The following MPPED1 variants were observed in gnomAD, a reference collection of about 807,000 sequenced individuals.
MPPED1 encodes the protein metallophosphoesterase domain-containing protein 1.
MPPED1 carries 16 observed loss-of-function variants against 36.2 expected under a neutral mutation model. The ratio of observed to expected loss-of-function variants is 0.44; its 90% CI spans 0.30 to 0.67. MPPED1 has a LOEUF of 0.67. Among genes scored for constraint, MPPED1 ranks in the 30% least tolerant of loss-of-function variants. The pLI is 0.10. For missense variants in MPPED1, 307 were observed against 453.4 expected (o/e 0.68, Z 2.93); for synonymous variants, 199 against 191.3 (o/e 1.04, Z -0.33).
chr22:43,439,328 G>A (rs900130598), intron 3 of MPPED1, among the ~76,000 whole-genome samples: 10 of 152,250 alleles, frequency 6.6e-5, no homozygotes, highest in African/African-American at 1.9e-4. Context: ...TGTAAATGTC[G>A]AGTAAGCAGC....
intron 3 of MPPED1, among the ~76,000 whole-genome samples, chr22:43,449,908 C>G (rs1930502961): frequency 6.6e-6 from 1 of 152,210 alleles, no homozygotes; most frequent in Non-Finnish European, 1.5e-5. Flanking sequence ...TATTTCCATC[C>G]CTCCTGAGCG....
intron 2 of MPPED1, among the ~76,000 whole-genome samples, chr22:43,429,943 G>A (rs1397383975): frequency 1.3e-5 from 2 of 152,330 alleles, no homozygotes; most frequent in East Asian, 1.9e-4. Flanking sequence ...TGGGGATGCA[G>A]GAGGGTACTG....
chr22:43,460,191 GT>G (rs1930898472), intron 3 of MPPED1, among the ~76,000 whole-genome samples: 1 of 150,612 alleles, frequency 6.6e-6, no homozygotes, highest in South Asian at 2.1e-4. Flanking sequence ...TGGCGACAGA[GT>G]GAGACTCCAT....
At chr22:43,424,341 C>T (rs773568126) in intron 1 of MPPED1, among the ~76,000 whole-genome samples, 3 of 152,128 alleles carry the variant, frequency 2.0e-5, no homozygotes, top group Non-Finnish European at 4.4e-5. Flanking sequence ...CAGGGCACCA[C>T]TAAAAGATAT....
chr22:43,502,581 C>T lies in MPPED1; in HGVS notation c.749-63C>T, dbSNP rs377208877. 4.0e-5 allele frequency: 53 copies of T among 1,310,650 alleles called. 1 individual carries two copies. The highest frequency in any genetic ancestry group is 2.0e-4 in the Middle Eastern group (1 of 5,110). The allele number at this position is 1,310,650 out of a possible 1,614,324, so 81.2% of individuals were successfully genotyped here. On this transcript the variant is annotated intron_variant, in intron 5 of 6. Transcript: ENST00000443721. The surrounding 1 kb of genome is among the most constrained non-coding windows in gnomAD (Gnocchi z 5.5). The stretch of plus-strand genomic sequence containing the variant: ...CCAGGCTGCAGAAGCTGCTGCTAGG[C>T]GTGGGGCAGTGAGGGGCTGGGACAG...
chr22:43,459,486 G>A (rs752579417), intron 3 of MPPED1, among the ~76,000 whole-genome samples: 1 of 152,190 alleles, frequency 6.6e-6, no homozygotes, highest in Admixed American at 6.5e-5. Flanking sequence ...TGTCCCACAG[G>A]TCTCTGAGGC....
At chr22:43,412,195 G>A in intron 1 of MPPED1, 37 bp downstream of exon 1, 1 of 970,018 alleles carries the variant, frequency 1.0e-6, no homozygotes, top group Non-Finnish European at 1.2e-6. Flanking sequence ...GCGGGCGCGG[G>A]CGGGAGGCCG....
At chr22:43,418,155 G>T (rs1929140419) in intron 1 of MPPED1, 1 of 456,206 alleles carries the variant, frequency 2.2e-6, no homozygotes, top group Admixed American at 2.3e-5. Context: ...GCCTGGCACT[G>T]GCTTTGATCA....
Position 43,467,737 on chromosome 22 carries a change from G to A in MPPED1, c.407-6999G>A, listed in dbSNP as rs557475989. Reference sequence around the variant, plus strand: ...TCCATCCCCCTCTGCTGTGTTCTGCGAGATGGGAATGGGCGGAAGAAGCCA... The same window carrying A: ...TCCATCCCCCTCTGCTGTGTTCTGCAAGATGGGAATGGGCGGAAGAAGCCA... On this transcript the variant is annotated intron_variant, in intron 3 of 6. Coordinates refer to ENST00000443721, the MANE Select transcript of MPPED1 (RefSeq NM_001044370.2). Among the ~76,000 whole-genome samples, 117 of 152,168 alleles carry A rather than the reference G, an allele frequency of 7.7e-4. 3 individuals carry two copies. The South Asian group carries it at 0.023, about 30-fold the overall frequency.
At chr22:43,427,949 G>A (rs1032192683) in intron 2 of MPPED1, among the ~76,000 whole-genome samples, 2 of 152,286 alleles carry the variant, frequency 1.3e-5, no homozygotes, top group African/African-American at 2.4e-5. Flanking sequence ...TGAAAAAAAC[G>A]CTGCGCACAG....
chr22:43,470,097 A>ATCCG (rs1234106743), intron 3 of MPPED1, among the ~76,000 whole-genome samples: 1 of 146,286 alleles, frequency 6.8e-6, no homozygotes, highest in Non-Finnish European at 1.5e-5. Context: ...CCATCCATCC[A>ATCCG]TCCATAAATC....
At chr22:43,435,708 T>A (rs756731582) in intron 3 of MPPED1, among the ~76,000 whole-genome samples, 1 of 152,050 alleles carries the variant, frequency 6.6e-6, no homozygotes, top group African/African-American at 2.4e-5. Context: ...AATACAAAAA[T>A]TAGCTGGGTG....
intron 4 of MPPED1, among the ~76,000 whole-genome samples, chr22:43,491,021 G>C (rs753180717): frequency 1.3e-5 from 2 of 152,208 alleles, no homozygotes; most frequent in Non-Finnish European, 2.9e-5. Flanking sequence ...TGTGGATGTG[G>C]GTGGCTAATT....
chr22:43,451,368 G>A (rs1362880625), intron 3 of MPPED1, among the ~76,000 whole-genome samples: 1 of 152,150 alleles, frequency 6.6e-6, no homozygotes, highest in African/African-American at 2.4e-5. Flanking sequence ...TTAAAATCGT[G>A]CATTTAAAAG....
chr22:43,418,040 G>GACC, intron 1 of MPPED1: 1 of 456,134 alleles, frequency 2.2e-6, no homozygotes, highest in South Asian at 1.5e-5. Flanking sequence ...CCGAGTTTTG[G>GACC]ACCCAGGACA....
chr22:43,427,358 G>A (rs773100770), intron 2 of MPPED1, among the ~76,000 whole-genome samples: 3 of 152,164 alleles, frequency 2.0e-5, no homozygotes, highest in South Asian at 2.1e-4. Context: ...AGGAATAGGC[G>A]TAGCAAGTTG....
rs1209057734 is a variant in MPPED1 at position 43,474,609 on chromosome 22, C to G, written c.407-127C>G. 1 of 1,545,508 alleles carries G rather than the reference C, an allele frequency of 6.5e-7. No individual in the cohort carries two copies. Among genetic ancestry groups the G allele is most frequent in the African/African-American group, 1.4e-5 (1 of 72,962 alleles). On this transcript the variant is annotated intron_variant, in intron 3 of 6. Transcript: ENST00000443721. This position sits in a 1 kb window ranked among gnomAD's most constrained non-coding sequence, Gnocchi z 5.2. Reference sequence around the variant, plus strand: ...AGTACAAGATCGTGATCGCGGGCAACCACGAGCTGACCTTTGACCAGGAGT... The same window carrying G: ...AGTACAAGATCGTGATCGCGGGCAAGCACGAGCTGACCTTTGACCAGGAGT...
rs1398608528 is a variant in MPPED1, at chr22:43,474,796, A to C, written c.467A>C (p.Gln156Pro). The change falls in exon 4 of 7, where the codon CAG (glutamine) becomes CCG (proline). Residue 156 changes from glutamine (Q) to proline (P), a missense_variant. Around this residue, in one of 3 missense-constraint regions of MPPED1, gnomAD observed 6 missense variants for 28.8 expected, o/e 0.21. Transcript: ENST00000443721. This position sits in a 1 kb window ranked among gnomAD's most constrained non-coding sequence, Gnocchi z 5.2. ...GGCAACCACGAGCTGACCTTTGACC[A>C]GGAGTTCATGGCCGACCTCATCAAG... Reference protein sequence around the residue: ...IAGNHELTFDQEFMADLIKQD... With the variant: ...IAGNHELTFDPEFMADLIKQD... 6.2e-7 allele frequency: 1 copy of C among 1,613,974 alleles called. No homozygotes were observed. The highest frequency in any genetic ancestry group is 2.2e-5 in the East Asian group (1 of 44,904).
Position 43,484,833 on chromosome 22 carries a change from A to C in MPPED1, c.632+9872A>C, listed in dbSNP as rs544947654. On this transcript the variant is annotated intron_variant, in intron 4 of 6. Transcript: ENST00000443721. ...AGCCAGCTGGTACGTGCCATGGATG[A>C]GGGGGCCCAAGGCAGCCAGCAGTGT... Among the ~76,000 whole-genome samples the C allele has an allele frequency of 2.8e-3, 427 of 152,202 alleles. 2 individuals are homozygous for C. Among genetic ancestry groups the C allele is most frequent in the African/African-American group, 9.7e-3 (401 of 41,516 alleles).
Sources: allele counts gnomAD v4.1 joint callset (sites outside exome capture counted in the v4.1 genomes callset), GRCh38; gene constraint gnomAD v4.1.1; regional missense constraint gnomAD v4.1.1; non-coding constraint Gnocchi (gnomAD v3.1); transcripts MANE v1.5; gene names NCBI Gene and HGNC (gene_info 2026-07-23, HGNC 2026-07-21).